The following USH2A variants were observed in gnomAD, a reference collection of about 807,000 sequenced individuals.
USH2A encodes usherin, also known as Usher syndrome 2A (autosomal recessive, mild).
A neutral mutation model predicts 538.9 loss-of-function variants in USH2A; 443 were observed. The ratio of observed to expected loss-of-function variants is 0.82; its 90% CI spans 0.76 to 0.89. The LOEUF (loss-of-function observed/expected upper bound fraction) is 0.89. Ranked by LOEUF, USH2A falls within the 40% of genes least tolerant of loss-of-function variation. The pLI, the probability that USH2A is intolerant of heterozygous loss-of-function variation, is 0.00. For synonymous variants in USH2A, 2,413 were observed against 2,273.5 expected, an observed-to-expected ratio of 1.06 and a Z score of -1.75; for missense variants, 6,633 against 6,324.8, an observed-to-expected ratio of 1.05 and a Z score of -1.65.
chr1:216,134,101 C>G (rs1333289047), intron 21 of USH2A, among the ~76,000 whole-genome samples: 1 of 152,036 alleles, frequency 6.6e-6, no homozygotes, highest in Admixed American at 6.6e-5. Context: ...ATAATTAAAA[C>G]AAAAGCTGTT....
chr1:216,336,909 C>T (rs2102672778), intron 4 of USH2A, among the ~76,000 whole-genome samples: 1 of 151,436 alleles, frequency 6.6e-6, no homozygotes. Context: ...ATAATCGTGG[C>T]ATTGGATTGG....
intron 11 of USH2A, among the ~76,000 whole-genome samples, chr1:216,267,995 C>G (rs2036508273): frequency 2.0e-5 from 3 of 152,088 alleles, no homozygotes; most frequent in Non-Finnish European, 4.4e-5. Context: ...TGCAGGCAGA[C>G]TGCTATGATG....
chr1:216,197,476 A>G (rs981600942), intron 18 of USH2A, among the ~76,000 whole-genome samples: 7 of 152,076 alleles, frequency 4.6e-5, no homozygotes, highest in Admixed American at 3.9e-4. Context: ...TTGTGCTATC[A>G]TGGCTCTATT....
intron 33 of USH2A, among the ~76,000 whole-genome samples, chr1:215,999,789 A>G (rs1558203566): frequency 6.6e-6 from 1 of 152,114 alleles, no homozygotes; most frequent in Non-Finnish European, 1.5e-5. Context: ...GAATCATAAT[A>G]TTTTTCGGCT....
chr1:215,689,654 A>C (rs1325793255), intron 61 of USH2A, among the ~76,000 whole-genome samples: 1 of 152,214 alleles, frequency 6.6e-6, no homozygotes, highest in Non-Finnish European at 1.5e-5. Flanking sequence ...ATGCTATGAG[A>C]GGGCCTGTGA....
intron 61 of USH2A, among the ~76,000 whole-genome samples, chr1:215,698,414 G>T (rs1324312675): frequency 6.6e-6 from 1 of 152,128 alleles, no homozygotes; most frequent in Non-Finnish European, 1.5e-5. Context: ...CTTCCACAAT[G>T]GTTAAACTAA....
intron 21 of USH2A, among the ~76,000 whole-genome samples, chr1:216,166,887 C>T (rs1434333800): frequency 6.6e-6 from 1 of 152,088 alleles, no homozygotes; most frequent in Non-Finnish European, 1.5e-5. Context: ...TTATGATATT[C>T]CCCAAGGATG....
intron 21 of USH2A, among the ~76,000 whole-genome samples, chr1:216,163,946 T>C (rs1305265604): frequency 6.6e-6 from 1 of 152,122 alleles, no homozygotes; most frequent in African/African-American, 2.4e-5. Flanking sequence ...TCTTTAACCA[T>C]ATTTTTGAGA....
chr1:215,687,747 A>G (rs1658478561), intron 61 of USH2A, among the ~76,000 whole-genome samples: 1 of 152,170 alleles, frequency 6.6e-6, no homozygotes, highest in East Asian at 1.9e-4. Context: ...TTCTATGGAA[A>G]TAGTGGCAAA....
intron 32 of USH2A, among the ~76,000 whole-genome samples, chr1:216,014,431 C>T (rs1039828531): frequency 1.3e-5 from 2 of 152,206 alleles, no homozygotes; most frequent in African/African-American, 4.8e-5. Context: ...CTCCTCCTAG[C>T]TTAACTGCAA....
intron 37 of USH2A, among the ~76,000 whole-genome samples, chr1:215,937,070 T>C (rs1666519386): frequency 2.0e-5 from 3 of 152,012 alleles, no homozygotes; most frequent in Non-Finnish European, 4.4e-5. Flanking sequence ...AAAGCCCTAA[T>C]GGCATAATAT....
chr1:216,181,836 C>A (rs1192556597), intron 20 of USH2A, among the ~76,000 whole-genome samples: 2 of 152,068 alleles, frequency 1.3e-5, no homozygotes, highest in African/African-American at 4.8e-5. Flanking sequence ...TTTCAAGTCT[C>A]CTGCAGCACA....
chr1:216,097,831 G>A (rs747114093), intron 21 of USH2A, among the ~76,000 whole-genome samples: 3 of 152,084 alleles, frequency 2.0e-5, no homozygotes, highest in Non-Finnish European at 4.4e-5. Context: ...TAGGAAGCAG[G>A]GGCAATATGC....
chr1:216,242,155 T>C (rs1162676429), intron 13 of USH2A, among the ~76,000 whole-genome samples: 1 of 147,890 alleles, frequency 6.8e-6, no homozygotes, highest in African/African-American at 2.5e-5. Flanking sequence ...ATCGAGACCA[T>C]CCTGGCTAAC....
chr1:215,941,950 G>A (rs1004195347), intron 37 of USH2A, among the ~76,000 whole-genome samples: 12 of 152,112 alleles, frequency 7.9e-5, no homozygotes, highest in African/African-American at 2.6e-4. Context: ...GTATCACCAC[G>A]AACTTAGCAA....
chr1:215,912,621 T>C (rs1020551725), intron 38 of USH2A, among the ~76,000 whole-genome samples: 1 of 151,544 alleles, frequency 6.6e-6, no homozygotes, highest in African/African-American at 2.4e-5. Flanking sequence ...CGCAAGCATT[T>C]ATCCTTTGAG....
At chr1:215,683,554 T>C (rs1212288156) in intron 61 of USH2A, among the ~76,000 whole-genome samples, 5 of 152,194 alleles carry the variant, frequency 3.3e-5, no homozygotes, top group Admixed American at 1.3e-4. Flanking sequence ...TTTTCTTAAA[T>C]TTAGGATATT....
At chr1:215,705,526 G>A (rs576478067) in intron 61 of USH2A, among the ~76,000 whole-genome samples, 24 of 152,280 alleles carry the variant, frequency 1.6e-4, no homozygotes, top group African/African-American at 2.4e-4. Context: ...TTTCAGAGAC[G>A]GAGAAATATG....
At chr1:216,341,023 G>C (rs183910988) in intron 4 of USH2A, among the ~76,000 whole-genome samples, 48 of 152,102 alleles carry the variant, frequency 3.2e-4, no homozygotes, top group Non-Finnish European at 4.3e-4. Context: ...AGAAATAAAG[G>C]GTATTCAAAC....
Sources: gnomAD v4.1 joint callset for allele counts (sites outside exome capture counted in the v4.1 genomes callset) on GRCh38, gnomAD v4.1.1 for gene constraint, MANE v1.5 for transcripts, NCBI Gene and HGNC (gene_info 2026-07-23, HGNC 2026-07-21) for gene names.